Variants in NUP210L observed in about 807,000 individuals in gnomAD.
NUP210L encodes nucleoporin 210 like, also known as nuclear pore membrane glycoprotein 210-like.
A neutral mutation model predicts 208.5 loss-of-function variants in NUP210L; 74 were observed. The observed-to-expected ratio is 0.35, with a 90% CI of 0.29 to 0.43. The LOEUF (loss-of-function observed/expected upper bound fraction) is 0.43. NUP210L is among the 20% of genes least tolerant of loss of function. The probability of loss-of-function intolerance (pLI) is 1.00; values close to 1 mark genes in which losing one functional copy is unlikely to be tolerated. For synonymous variants in NUP210L, 780 were observed against 816.9 expected (o/e 0.95, Z 0.77); for missense variants, 1,843 against 2,289.4 (o/e 0.81, Z 3.98).
intron 12 of NUP210L, among the ~76,000 whole-genome samples, chr1:154,111,562 A>T (rs1657039207): frequency 6.6e-6 from 1 of 151,608 alleles, no homozygotes; most frequent in Admixed American, 6.5e-5. Flanking sequence ...TCCTAGACAT[A>T]TACAACCTAC....
intron 12 of NUP210L, among the ~76,000 whole-genome samples, chr1:154,105,673 T>C (rs1220360082): frequency 3.3e-5 from 5 of 152,198 alleles, no homozygotes; most frequent in Non-Finnish European, 7.3e-5. Flanking sequence ...AAGGGGACTT[T>C]GTCTTACAGC....
intron 10 of NUP210L, among the ~76,000 whole-genome samples, chr1:154,121,354 C>T (rs902224374): frequency 7.2e-5 from 11 of 151,988 alleles, no homozygotes; most frequent in African/African-American, 2.2e-4. Context: ...ATCAGGGAAC[C>T]CAGAACGAAT....
exon 35 of NUP210L, chr1:154,010,070 G>T (rs765083791): frequency 1.7e-5 from 28 of 1,613,862 alleles, no homozygotes; most frequent in Non-Finnish European, 2.3e-5. Flanking sequence ...CATGAGGGTC[G>T]CTGGAAGAAG....
At chr1:154,079,253 T>C (rs1474814125) in intron 16 of NUP210L, among the ~76,000 whole-genome samples, 1 of 151,954 alleles carries the variant, frequency 6.6e-6, no homozygotes, top group African/African-American at 2.4e-5. Context: ...AGTGAAAACC[T>C]ATCTCAAAAA....
At chr1:154,088,528 C>T (rs962804920) in intron 16 of NUP210L, among the ~76,000 whole-genome samples, 3 of 152,158 alleles carry the variant, frequency 2.0e-5, no homozygotes, top group Non-Finnish European at 4.4e-5. Context: ...TTCTACTCCA[C>T]TCAGAGTGCT....
At chr1:154,006,146 C>T (rs1321962996) in intron 35 of NUP210L, among the ~76,000 whole-genome samples, 1 of 152,148 alleles carries the variant, frequency 6.6e-6, no homozygotes, top group Non-Finnish European at 1.5e-5. Context: ...GCGTGAGCCA[C>T]CGCACCTGGC....
exon 4 of NUP210L, chr1:154,141,440 C>A (rs1256337246): frequency 1.3e-6 from 2 of 1,599,384 alleles, no homozygotes; most frequent in South Asian, 2.2e-5. Flanking sequence ...CCTAATTTTG[C>A]TAGACAGTTC....
intron 17 of NUP210L, among the ~76,000 whole-genome samples, chr1:154,069,283 T>C (rs1654580053): frequency 6.6e-6 from 1 of 152,182 alleles, no homozygotes; most frequent in Non-Finnish European, 1.5e-5. Context: ...GAGAGAATTT[T>C]TGCAATTTAC....
exon 35 of NUP210L, chr1:154,010,048 T>C: frequency 6.2e-7 from 1 of 1,613,972 alleles, no homozygotes; most frequent in Non-Finnish European, 8.5e-7. Context: ...TACTGAACTG[T>C]ACATGGCACA....
chr1:154,020,094 A>T (rs1311883975), intron 32 of NUP210L, among the ~76,000 whole-genome samples: 1 of 152,206 alleles, frequency 6.6e-6, no homozygotes, highest in Non-Finnish European at 1.5e-5. Flanking sequence ...ATCAGCTGTT[A>T]TAGCATTGGG....
chr1:154,066,087 G>A (rs1654401010), intron 17 of NUP210L, among the ~76,000 whole-genome samples: 1 of 151,982 alleles, frequency 6.6e-6, no homozygotes, highest in Non-Finnish European at 1.5e-5. Flanking sequence ...TGAGAACAAA[G>A]ACACAACATA....
chr1:154,149,763 A>T (rs919937447), intron 2 of NUP210L, among the ~76,000 whole-genome samples: 4 of 152,230 alleles, frequency 2.6e-5, no homozygotes, highest in Non-Finnish European at 5.9e-5. Context: ...ATTTACAAGT[A>T]AATTTAGAAT....
intron 23 of NUP210L, among the ~76,000 whole-genome samples, chr1:154,055,776 A>G (rs913734666): frequency 6.6e-6 from 1 of 152,260 alleles, no homozygotes; most frequent in Non-Finnish European, 1.5e-5. Flanking sequence ...TATGTGTAAT[A>G]GCAAAAAATT....
At chr1:154,036,313 CATGTGTGTGTGTGTGTGTGT>C (rs1258432515) in intron 27 of NUP210L, among the ~76,000 whole-genome samples, 6 of 104,088 alleles carry the variant, frequency 5.8e-5, no homozygotes, top group Non-Finnish European at 9.4e-5. Context: ...ACAGTTGGAA[CATGTGTGTGTGTGTGTGTGT>C]GTGTGTGTGT....
At chr1:154,050,269 G>T (rs1456990787) in intron 25 of NUP210L, among the ~76,000 whole-genome samples, 1 of 152,170 alleles carries the variant, frequency 6.6e-6, no homozygotes, top group Non-Finnish European at 1.5e-5. Flanking sequence ...GATATGACCT[G>T]CTCTAGGCAT....
chr1:154,026,276 A>G (rs186970146), intron 29 of NUP210L, among the ~76,000 whole-genome samples: 224 of 152,304 alleles, frequency 1.5e-3, no homozygotes, highest in Middle Eastern at 6.8e-3. Flanking sequence ...GAAAGCAGGT[A>G]TTCAGGTAAA....
chr1:154,146,909 G>A (rs926115446), intron 2 of NUP210L, among the ~76,000 whole-genome samples: 5 of 151,410 alleles, frequency 3.3e-5, no homozygotes, highest in Admixed American at 2.0e-4. Flanking sequence ...CTGCAGCCTC[G>A]AACTCCTGGG....
intron 3 of NUP210L, among the ~76,000 whole-genome samples, chr1:154,143,201 C>CAAAAA (rs34172314): frequency 8.1e-6 from 1 of 123,492 alleles, no homozygotes. Context: ...TCCCCCTGCC[C>CAAAAA]AAAAAAAAAA....
intron 7 of NUP210L, among the ~76,000 whole-genome samples, chr1:154,134,423 C>CTTT (rs375962653): frequency 3.9e-5 from 5 of 129,790 alleles, no homozygotes; most frequent in African/African-American, 8.5e-5. Context: ...CTCCGTGTAC[C>CTTT]TTTTTTTTTT....
Sources: allele counts gnomAD v4.1 joint callset (sites outside exome capture counted in the v4.1 genomes callset), GRCh38; gene constraint gnomAD v4.1.1; transcripts MANE v1.5; gene names NCBI Gene and HGNC (gene_info 2026-07-23, HGNC 2026-07-21).